BACE2: variants seen among roughly 807,000 people sequenced by gnomAD.
BACE2 encodes the protein 56 kDa aspartic-like protease.
A neutral mutation model predicts 46.2 loss-of-function variants in BACE2; 17 were observed. The observed-to-expected ratio is 0.37, with a 90% CI of 0.25 to 0.55. The LOEUF is 0.55. Ranked by LOEUF, BACE2 falls within the 20% of genes least tolerant of loss-of-function variation. The pLI, the probability that BACE2 is intolerant of heterozygous loss-of-function variation, is 0.82. For synonymous variants in BACE2, 277 were observed against 295.9 expected, an observed-to-expected ratio of 0.94 and a Z score of 0.66; for missense variants, 595 against 698.1, an observed-to-expected ratio of 0.85 and a Z score of 1.66.
intron 1 of BACE2, among the ~76,000 whole-genome samples, chr21:41,170,488 G>A (rs982202421): frequency 2.0e-5 from 3 of 152,152 alleles, no homozygotes; most frequent in South Asian, 4.1e-4. Context: ...TTGATTTAGC[G>A]ATAAGCTGCT....
At chr21:41,172,071 A>G (rs1010714949) in intron 1 of BACE2, among the ~76,000 whole-genome samples, 2 of 152,258 alleles carry the variant, frequency 1.3e-5, no homozygotes, top group African/African-American at 4.8e-5. Context: ...CAAGAAGGCA[A>G]TCCCAGCAAG....
At position 41,275,724 on chromosome 21, in the gene BACE2, C is replaced by T. The variant is rs1272226184; in HGVS notation, c.*100C>T. On this transcript the variant is annotated 3_prime_UTR_variant, in exon 9 of 9. Coordinates refer to ENST00000330333, the MANE Select transcript of BACE2 (RefSeq NM_012105.5). ...TCGATGGTGGCGCTTTCTCCTGTGC[C>T]CACCCGTCTTCAATCTCTGTTCTGC... 2 of 1,422,132 alleles carry T rather than the reference C, an allele frequency of 1.4e-6. No homozygotes were observed. The highest frequency in any genetic ancestry group is 1.9e-6 in the Non-Finnish European group (2 of 1,052,508). The allele number at this position is 1,422,132 out of a possible 1,614,324, so 88.1% of individuals were successfully genotyped here.
At position 41,281,006 on chromosome 21, in the gene BACE2, G is replaced by T. The variant is rs1349015115; in HGVS notation, c.*5382G>T. On this transcript the variant is annotated 3_prime_UTR_variant, in exon 9 of 9. Coordinates refer to ENST00000330333, the MANE Select transcript of BACE2 (RefSeq NM_012105.5). ...CGGGTACCTGGTCCCTGATGCTTGG[G>T]TGCCCCGTTGAGCCTCGGGTACTTC... The T allele has an allele frequency of 6.6e-6, 1 of 152,156 alleles. No homozygotes were observed. Among genetic ancestry groups the T allele is most frequent in the Non-Finnish European group, 1.5e-5 (1 of 68,072 alleles). The allele number at this position is 152,156 out of a possible 1,614,324, so 9.4% of individuals were successfully genotyped here. A position where few individuals can be genotyped will look rare whatever the true frequency, so the allele number is the denominator to read the frequency against.
chr21:41,193,112 A>G lies in BACE2; in HGVS notation c.312+24537A>G, dbSNP rs187754425. Among the ~76,000 whole-genome samples, 8 of 152,214 alleles carry G rather than the reference A, an allele frequency of 5.3e-5. No individual in the cohort carries two copies. The highest frequency in any genetic ancestry group is 1.2e-4 in the Non-Finnish European group (8 of 68,034). ...GTCATCAAACTAATGGACCAGTGTG[A>G]TATCTCGTGGAAACGAAAAGCGATC... On this transcript the variant is annotated intron_variant, in intron 1 of 8. Transcript: ENST00000330333. This position sits in a 1 kb window ranked among gnomAD's most constrained non-coding sequence, Gnocchi z 4.2.
chr21:41,271,350 G>T (rs186354060), intron 8 of BACE2, among the ~76,000 whole-genome samples: 1 of 152,246 alleles, frequency 6.6e-6, no homozygotes. Context: ...GGCCTGTGAG[G>T]TAAGAATAGT....
chr21:41,226,253 TAAAACATA>T lies in BACE2; in HGVS notation c.313-9_313-2del. On this transcript the variant is annotated splice_region_variant and splice_polypyrimidine_tract_variant and intron_variant, in intron 1 of 8. Transcript: ENST00000330333. ...ATGCTTTCTATTTTTTTTTTCTCCTTAAAACATAAAAGCTACAGATTCTCGTTGACACT... is the reference window on the plus strand; with the variant it reads ...ATGCTTTCTATTTTTTTTTTCTCCTTAAAGCTACAGATTCTCGTTGACACT... The T allele has an allele frequency of 6.2e-7, 1 of 1,606,720 alleles. No homozygotes were observed. Among genetic ancestry groups the T allele is most frequent in the South Asian group, 1.1e-5 (1 of 88,784 alleles).
At chr21:41,195,485 C>T (rs868148970) in intron 1 of BACE2, among the ~76,000 whole-genome samples, 3 of 152,208 alleles carry the variant, frequency 2.0e-5, no homozygotes, top group Non-Finnish European at 4.4e-5. Context: ...CAGAACTTCC[C>T]GTCCCTTACA....
At chr21:41,268,928 G>GT (rs1389155542) in intron 8 of BACE2, among the ~76,000 whole-genome samples, 1 of 152,006 alleles carries the variant, frequency 6.6e-6, no homozygotes, top group Non-Finnish European at 1.5e-5. Context: ...AGGTTGGTTT[G>GT]TTTTTTCTTT....
rs2297276 is a variant in BACE2 at position 41,281,859 on chromosome 21, G to T, written c.*6235G>T. The T allele has an allele frequency of 6.6e-6, 1 of 152,122 alleles. No homozygotes were observed. Among genetic ancestry groups the T allele is most frequent in the Non-Finnish European group, 1.5e-5 (1 of 68,030 alleles). The allele number at this position is 152,122 out of a possible 1,614,324, so 9.4% of individuals were successfully genotyped here. A position where few individuals can be genotyped will look rare whatever the true frequency, so the allele number is the denominator to read the frequency against. ...TCATCTCTCACATTTATATCAGTGA[G>T]GTTTGAAATTCTGTGTAGCAGTTAC... On this transcript the variant is annotated 3_prime_UTR_variant, in exon 9 of 9. Transcript: ENST00000330333.
chr21:41,223,735 GA>G (rs1986724618), intron 1 of BACE2, among the ~76,000 whole-genome samples: 1 of 152,130 alleles, frequency 6.6e-6, no homozygotes, highest in Admixed American at 6.5e-5. Flanking sequence ...TCTCTTTTTG[GA>G]AAACACATCT....
intron 8 of BACE2, among the ~76,000 whole-genome samples, chr21:41,267,622 C>A (rs1400204305): frequency 6.6e-6 from 1 of 152,190 alleles, no homozygotes; most frequent in East Asian, 1.9e-4. Flanking sequence ...GCAGAGTTAG[C>A]TGTTAAGAGA....
At chr21:41,248,839 G>A (rs1987553179) in intron 6 of BACE2, among the ~76,000 whole-genome samples, 1 of 152,150 alleles carries the variant, frequency 6.6e-6, no homozygotes, top group South Asian at 2.1e-4. Context: ...TTCAGTTGTG[G>A]TCTTGGCAGC....
intron 1 of BACE2, among the ~76,000 whole-genome samples, chr21:41,211,691 CGTT>C (rs1439840439): frequency 6.6e-6 from 1 of 152,194 alleles, no homozygotes; most frequent in Non-Finnish European, 1.5e-5. Flanking sequence ...AATTAGGAAT[CGTT>C]GTGTTAAATG....
intron 3 of BACE2, 134 bp from the exon 4 acceptor site, chr21:41,241,685 T>A (rs1205522579): frequency 5.1e-6 from 5 of 983,130 alleles, no homozygotes; most frequent in Non-Finnish European, 7.6e-6. Context: ...AATCACAAGC[T>A]GGTGTACTGT....
intron 6 of BACE2, among the ~76,000 whole-genome samples, chr21:41,246,963 G>A (rs1413215747): frequency 1.3e-5 from 2 of 152,154 alleles, no homozygotes; most frequent in Non-Finnish European, 2.9e-5. Context: ...GCTGCTATTT[G>A]TTCAGATGCG....
intron 7 of BACE2, among the ~76,000 whole-genome samples, chr21:41,252,773 A>T (rs1987677083): frequency 6.6e-6 from 1 of 152,230 alleles, no homozygotes; most frequent in Non-Finnish European, 1.5e-5. Context: ...ACAAGGAAGG[A>T]GGCGTAATTT....
chr21:41,174,247 A>G (rs890313512), intron 1 of BACE2, among the ~76,000 whole-genome samples: 3 of 148,032 alleles, frequency 2.0e-5, no homozygotes, highest in African/African-American at 7.6e-5. Flanking sequence ...GGTTCAAGCG[A>G]TTCTTCTGCC....
intron 6 of BACE2, among the ~76,000 whole-genome samples, chr21:41,249,542 A>G (rs60358350): frequency 0.03 from 4,632 of 152,044 alleles, 208 homozygotes; most frequent in African/African-American, 0.1. Flanking sequence ...CTCATCTCCC[A>G]TTCTTGTCTG....
chr21:41,188,556 C>T (rs557477615), intron 1 of BACE2, among the ~76,000 whole-genome samples: 1 of 151,736 alleles, frequency 6.6e-6, no homozygotes, highest in East Asian at 1.9e-4. Context: ...GATTCCTACC[C>T]ATCACCCCCC....
Sources: allele counts gnomAD v4.1 joint callset (sites outside exome capture counted in the v4.1 genomes callset), GRCh38; gene constraint gnomAD v4.1.1; non-coding constraint Gnocchi (gnomAD v3.1); transcripts MANE v1.5; gene names NCBI Gene and HGNC (gene_info 2026-07-23, HGNC 2026-07-21).